Variants in ANKRD46 observed in about 807,000 individuals in gnomAD.
The protein encoded by ANKRD46 is ankyrin repeat domain-containing protein 46.
ANKRD46 carries 13 observed loss-of-function variants against 19.8 expected under a neutral mutation model. That is an observed-to-expected ratio of 0.66 (90% CI 0.43 to 1.04). The LOEUF is 1.04. Among genes scored for constraint, ANKRD46 ranks in the 50% least tolerant of loss-of-function variants. The pLI, the probability that ANKRD46 is intolerant of heterozygous loss-of-function variation, is 0.00. For missense variants in ANKRD46, 185 were observed against 274.8 expected (o/e 0.67, Z 2.31); for synonymous variants, 91 against 106.9 (o/e 0.85, Z 0.92).
At chr8:100,528,520 T>TC (rs1372060781) in intron 3 of ANKRD46, among the ~76,000 whole-genome samples, 10 of 147,916 alleles carry the variant, frequency 6.8e-5, no homozygotes, top group African/African-American at 2.2e-4. Flanking sequence ...TGTTTTTCTT[T>TC]TTTTTTTTTT....
In ANKRD46 at chr8:100,521,486, A is replaced by G; in HGVS notation, c.*1069T>C. 1.0e-6 allele frequency: 1 copy of G among 985,444 alleles called. No individual in the cohort carries two copies. The highest frequency in any genetic ancestry group is 1.2e-6 in the Non-Finnish European group (1 of 829,942). The allele number at this position is 985,444 out of a possible 1,614,324, so 61.0% of individuals were successfully genotyped here. A position where few individuals can be genotyped will look rare whatever the true frequency, so the allele number is the denominator to read the frequency against. On this transcript the variant is annotated 3_prime_UTR_variant, in exon 5 of 5. Transcript: ENST00000335659. ...GTTTGAGGGCCAGATTTCAATTTAC[A>G]TAATATTACCATTCATAAAGAGTTT...
At chr8:100,551,457 A>T in intron 1 of ANKRD46, 1 of 680,768 alleles carries the variant, frequency 1.5e-6, no homozygotes, top group South Asian at 1.4e-5. Flanking sequence ...GCATCACCCC[A>T]TTTGATTTTG....
chr8:100,545,295 C>T lies in ANKRD46; in HGVS notation c.-130-11984G>A, dbSNP rs1812250248. 6.6e-6 allele frequency among the ~76,000 whole-genome samples: 1 copy of T among 152,082 alleles called. No individual in the cohort carries two copies. Among genetic ancestry groups the T allele is most frequent in the Non-Finnish European group, 1.5e-5 (1 of 68,012 alleles). On this transcript the variant is annotated intron_variant, in intron 1 of 4. Transcript: ENST00000335659. The surrounding 1 kb of genome is among the most constrained non-coding windows in gnomAD (Gnocchi z 4.7). ...AAATCTCATTTTAAATTGTAGTCCC[C>T]ACATATCAAGGAAGGGACCTGGTGG...
In ANKRD46 at chr8:100,510,080, T is replaced by A. The variant is rs1431818128; in HGVS notation, c.*497A>T. On this transcript the variant is annotated 3_prime_UTR_variant, in exon 6 of 6. Transcript: ENST00000520552. The surrounding 1 kb of genome is among the most constrained non-coding windows in gnomAD (Gnocchi z 4.9). ...ATCCATTGTCTGAGTGTGAAAGTGCTTTCCTCAGCTGCAAACTGTATTTAT... is the reference window on the plus strand; with the variant it reads ...ATCCATTGTCTGAGTGTGAAAGTGCATTCCTCAGCTGCAAACTGTATTTAT... 1 of 152,990 alleles carries A rather than the reference T, an allele frequency of 6.5e-6. No individual in the cohort carries two copies. Among genetic ancestry groups the A allele is most frequent in the African/African-American group, 2.4e-5 (1 of 41,494 alleles). The allele number at this position is 152,990 out of a possible 1,614,324, so 9.5% of individuals were successfully genotyped here. A position where few individuals can be genotyped will look rare whatever the true frequency, so the allele number is the denominator to read the frequency against.
chr8:100,549,870 CCT>C (rs1586801790), intron 1 of ANKRD46, among the ~76,000 whole-genome samples: 1 of 152,182 alleles, frequency 6.6e-6, no homozygotes, highest in Non-Finnish European at 1.5e-5. Context: ...CTACCCAACC[CCT>C]GATATTTTTA....
At position 100,540,948 on chromosome 8, in the gene ANKRD46, A is replaced by G. The variant is rs201057581; in HGVS notation, c.-130-7637T>C. Among the ~76,000 whole-genome samples the G allele has an allele frequency of 6.2e-4, 94 of 151,194 alleles. 2 individuals are homozygous for G. In the East Asian group the frequency reaches 0.017, roughly 27 times the overall value. ...AAAACTGTTTTTTTCTAGTTGCAAC[A>G]GCACTTTATTTATATGGCCTAAGGG... On this transcript the variant is annotated intron_variant, in intron 1 of 4. Transcript: ENST00000335659.
At chr8:100,540,058 T>C (rs188763170) in intron 1 of ANKRD46, among the ~76,000 whole-genome samples, 1 of 152,348 alleles carries the variant, frequency 6.6e-6, no homozygotes, top group Non-Finnish European at 1.5e-5. Flanking sequence ...TTGGCAACAT[T>C]TGAGATACAC....
rs544105281 is a variant in ANKRD46 at position 100,557,373 on chromosome 8, T to C, written c.-131+2338A>G. On this transcript the variant is annotated intron_variant, in intron 1 of 4. Transcript: ENST00000335659. The surrounding 1 kb of genome is among the most constrained non-coding windows in gnomAD (Gnocchi z 5.9). ...AACCATAAGCAAATCCTATCAGCAATACTCAGAATACGACGGCTTCTTACT... is the reference window on the plus strand; with the variant it reads ...AACCATAAGCAAATCCTATCAGCAACACTCAGAATACGACGGCTTCTTACT... Among the ~76,000 whole-genome samples, 1 of 152,306 alleles carries C rather than the reference T, an allele frequency of 6.6e-6. No homozygotes were observed. Among genetic ancestry groups the C allele is most frequent in the Admixed American group, 6.5e-5 (1 of 15,304 alleles).
At chr8:100,512,767 A>G (rs1249695729) in intron 5 of ANKRD46, among the ~76,000 whole-genome samples, 3 of 152,212 alleles carry the variant, frequency 2.0e-5, no homozygotes, top group Non-Finnish European at 4.4e-5. Context: ...CCAATATCTG[A>G]ATTTTTACTC....
chr8:100,545,417 T>A lies in ANKRD46; in HGVS notation c.-130-12106A>T, dbSNP rs1812253715. 6.6e-6 allele frequency among the ~76,000 whole-genome samples: 1 copy of A among 152,104 alleles called. No homozygotes were observed. The highest frequency in any genetic ancestry group is 2.1e-4 in the South Asian group (1 of 4,822). On this transcript the variant is annotated intron_variant, in intron 1 of 4. Transcript: ENST00000335659. This position sits in a 1 kb window ranked among gnomAD's most constrained non-coding sequence, Gnocchi z 4.7. ...GATCAGACGGTTTTAAAATTGGTCGTTTCCCCTACACATTCTCTCTTGCCG... is the reference window on the plus strand; with the variant it reads ...GATCAGACGGTTTTAAAATTGGTCGATTCCCCTACACATTCTCTCTTGCCG...
intron 4 of ANKRD46, among the ~76,000 whole-genome samples, chr8:100,523,120 G>A (rs1195078606): frequency 6.6e-6 from 1 of 151,578 alleles, no homozygotes; most frequent in South Asian, 2.1e-4. Context: ...TTGAGCCCAG[G>A]AGTTCGGGAC....
chr8:100,539,045 G>A (rs532456105), intron 1 of ANKRD46, among the ~76,000 whole-genome samples: 2 of 152,358 alleles, frequency 1.3e-5, no homozygotes, highest in African/African-American at 2.4e-5. Context: ...GCTGTCTAAT[G>A]TATGGCTGTG....
At position 100,557,653 on chromosome 8, in the gene ANKRD46, C is replaced by T. The variant is rs1227015458; in HGVS notation, c.-131+2058G>A. 6.6e-6 allele frequency among the ~76,000 whole-genome samples: 1 copy of T among 152,156 alleles called. No individual in the cohort carries two copies. Among genetic ancestry groups the T allele is most frequent in the Non-Finnish European group, 1.5e-5 (1 of 68,020 alleles). On this transcript the variant is annotated intron_variant, in intron 1 of 4. Coordinates refer to ENST00000335659, the MANE Select transcript of ANKRD46 (RefSeq NM_001270377.2). This position sits in a 1 kb window ranked among gnomAD's most constrained non-coding sequence, Gnocchi z 5.9. ...CCATTAGCTCTCTGACCTTGTCTCA[C>T]CCTCCTTCCCTCCAGGTGCTCAAAT...
In ANKRD46 at chr8:100,534,041, A is replaced by G. The variant is rs1256986878; in HGVS notation, c.-130-730T>C. On this transcript the variant is annotated intron_variant, in intron 1 of 4. Transcript: ENST00000335659. The surrounding 1 kb of genome is among the most constrained non-coding windows in gnomAD (Gnocchi z 4.2). ...CATGGGCAGGCAGTAAGGACCACAAAAATAGCAATATTAGTTCATGAAACA... is the reference window on the plus strand; with the variant it reads ...CATGGGCAGGCAGTAAGGACCACAAGAATAGCAATATTAGTTCATGAAACA... Among the ~76,000 whole-genome samples the G allele has an allele frequency of 6.6e-6, 1 of 152,192 alleles. No individual in the cohort carries two copies.
Position 100,511,638 on chromosome 8 carries a change from T to C in ANKRD46, c.637-999A>G, listed in dbSNP as rs1317297516. 1.3e-5 allele frequency among the ~76,000 whole-genome samples: 2 copies of C among 152,270 alleles called. No individual in the cohort carries two copies. Among genetic ancestry groups the C allele is most frequent in the African/African-American group, 4.8e-5 (2 of 41,476 alleles). ...TTGAAATAAGTTGACTGTCTGTATT[T>C]ATTCCATGGCTGGGAATGTTATTTG... On this transcript the variant is annotated intron_variant, in intron 5 of 5. Transcript: ENST00000520552. The surrounding 1 kb of genome is among the most constrained non-coding windows in gnomAD (Gnocchi z 4.1).
At chr8:100,551,021 G>A (rs1039936072) in intron 1 of ANKRD46, 34 of 516,544 alleles carry the variant, frequency 6.6e-5, no homozygotes, top group East Asian at 4.4e-4. Context: ...AGAAGGACAC[G>A]GAAGGCCATG....
Position 100,521,766 on chromosome 8 carries a change from A to C in ANKRD46, c.*789T>G. ...TCAGAATTATTTTTCCCTGCTAACT[A>C]TTCAGTAGAAAAAGGATTTTCTGAC... On this transcript the variant is annotated 3_prime_UTR_variant, in exon 5 of 5. Transcript: ENST00000335659. 1.0e-6 allele frequency: 1 copy of C among 985,402 alleles called. No homozygotes were observed. Among genetic ancestry groups the C allele is most frequent in the Non-Finnish European group, 1.2e-6 (1 of 829,870 alleles). The allele number at this position is 985,402 out of a possible 1,614,324, so 61.0% of individuals were successfully genotyped here.
chr8:100,520,743 A>T, downstream of ANKRD46: 1 of 732,008 alleles, frequency 1.4e-6, no homozygotes, highest in Non-Finnish European at 1.6e-6. Context: ...TAATACACTA[A>T]AAAAAAAAAA....
rs554758384 is a variant in ANKRD46 at position 100,538,077 on chromosome 8, T to C, written c.-130-4766A>G. Reference sequence around the variant, plus strand: ...GTCTATATATACTGGCTGACTGCAATGCCTGGCACATTAAGTTTCTTGAAG... The same window carrying C: ...GTCTATATATACTGGCTGACTGCAACGCCTGGCACATTAAGTTTCTTGAAG... On this transcript the variant is annotated intron_variant, in intron 1 of 4. Coordinates refer to ENST00000335659, the MANE Select transcript of ANKRD46 (RefSeq NM_001270377.2). Among the ~76,000 whole-genome samples the C allele has an allele frequency of 5.9e-5, 9 of 152,342 alleles. No individual in the cohort carries two copies. In the South Asian group the frequency reaches 6.2e-4, roughly 11 times the overall value.
Sources: allele counts gnomAD v4.1 joint callset (sites outside exome capture counted in the v4.1 genomes callset), GRCh38; gene constraint gnomAD v4.1.1; non-coding constraint Gnocchi (gnomAD v3.1); transcripts MANE v1.5; gene names NCBI Gene and HGNC (gene_info 2026-07-23, HGNC 2026-07-21).